Variants in FRMPD4 observed in about 807,000 individuals in gnomAD.
FRMPD4 encodes FERM and PDZ domain containing 4, also known as FERM and PDZ domain-containing protein 4.
A neutral mutation model predicts 94.1 loss-of-function variants in FRMPD4; 22 were observed. That is an observed-to-expected ratio of 0.23 (90% CI 0.17 to 0.33). FRMPD4 has a LOEUF of 0.33. Ranked by LOEUF, FRMPD4 falls within the 10% of genes least tolerant of loss-of-function variation. FRMPD4 has a pLI of 1.00. For synonymous variants in FRMPD4, 631 were observed against 548.6 expected (o/e 1.15, Z -2.10); for missense variants, 1,111 against 1,339.9 (o/e 0.83, Z 2.67).
chrX:12,719,392 A>T (rs1028092151), intron 16 of FRMPD4, among the ~76,000 whole-genome samples: 6 of 112,426 alleles, frequency 5.3e-5, no homozygotes, highest in Non-Finnish European at 9.4e-5. Context: ...ATAAAGTGTA[A>T]ACACACGTAG....
chrX:12,478,764 G>A lies in FRMPD4; in HGVS notation c.42-19916G>A, dbSNP rs892183606. On this transcript the variant is annotated intron_variant, in intron 1 of 16. Transcript: ENST00000675598. Reference sequence around the variant, plus strand: ...ATAGCTGGATGACTTTGAGCAAGTGGTCTAGAAGTTTTCTCATCTTTGAAA... The same window carrying A: ...ATAGCTGGATGACTTTGAGCAAGTGATCTAGAAGTTTTCTCATCTTTGAAA... Among the ~76,000 whole-genome samples, 5 of 112,273 alleles carry A rather than the reference G, an allele frequency of 4.5e-5. No individual in the cohort carries two copies. The Admixed American group carries it at 4.7e-4, about 11-fold the overall frequency.
intron 1 of FRMPD4, among the ~76,000 whole-genome samples, chrX:12,162,125 G>A (rs1438324021): frequency 2.7e-5 from 3 of 112,473 alleles, no homozygotes; most frequent in Admixed American, 9.4e-5. Context: ...AGTCTGCATC[G>A]TGGAAGTTAA....
intron 2 of FRMPD4, among the ~76,000 whole-genome samples, chrX:12,535,467 G>A (rs778090957): frequency 6.3e-5 from 7 of 111,946 alleles, no homozygotes; most frequent in East Asian, 5.6e-4. Flanking sequence ...CTTGACCCCC[G>A]AAGTCAGCAT....
rs902975385 is a variant in FRMPD4, at chrX:11,965,859, C to T, written c.95+87841C>T. On this transcript the variant is annotated intron_variant, in intron 3 of 18. Transcript: ENST00000640291. ...TGATTTGGTTGTCATTTAGAAGCAA[C>T]GACTTTATGTTCCACAGTCTCGTGA... 1.6e-4 allele frequency among the ~76,000 whole-genome samples: 18 copies of T among 112,173 alleles called. No individual in the cohort carries two copies. In the Admixed American group the frequency reaches 1.7e-3, roughly 11 times the overall value.
chrX:12,078,775 C>T (rs1046037170), intron 3 of FRMPD4, among the ~76,000 whole-genome samples: 1 of 111,430 alleles, frequency 9.0e-6, no homozygotes, highest in Admixed American at 9.5e-5. Context: ...TGTTTAGTAA[C>T]ACCCCTGGCC....
intron 1 of FRMPD4, among the ~76,000 whole-genome samples, chrX:12,254,723 A>C (rs1414353776): frequency 8.9e-6 from 1 of 112,096 alleles, no homozygotes; most frequent in African/African-American, 3.2e-5. Flanking sequence ...GCTTTTATTT[A>C]GCCAATCTGA....
chrX:12,480,409 T>C (rs1247504763), intron 1 of FRMPD4, among the ~76,000 whole-genome samples: 1 of 109,963 alleles, frequency 9.1e-6, no homozygotes, highest in Non-Finnish European at 1.9e-5. Context: ...AGGAGAGATT[T>C]TTCTATCCTA....
intron 2 of FRMPD4, among the ~76,000 whole-genome samples, chrX:12,513,411 G>A (rs1214929497): frequency 3.6e-5 from 4 of 111,626 alleles, no homozygotes; most frequent in Non-Finnish European, 7.5e-5. Context: ...TAAGGAAGGG[G>A]TCCAGTTTCA....
intron 1 of FRMPD4, among the ~76,000 whole-genome samples, chrX:12,313,734 C>A (rs745822551): frequency 9.0e-6 from 1 of 111,273 alleles, no homozygotes; most frequent in Non-Finnish European, 1.9e-5. Context: ...ATCTTAATAA[C>A]CAACTTCTTT....
intron 1 of FRMPD4, among the ~76,000 whole-genome samples, chrX:11,834,706 TTAA>T (rs771365175): frequency 4.2e-4 from 47 of 111,901 alleles, no homozygotes; most frequent in African/African-American, 1.4e-3. Context: ...TGAAACCTTC[TTAA>T]TAATAAGAAA....
At chrX:12,086,251 T>A (rs182159254) in intron 3 of FRMPD4, among the ~76,000 whole-genome samples, 21 of 111,979 alleles carry the variant, frequency 1.9e-4, no homozygotes, top group African/African-American at 6.8e-4. Flanking sequence ...CTTGTGGGTA[T>A]ACAAATTTCT....
chrX:11,994,547 A>T (rs948553233), intron 3 of FRMPD4, among the ~76,000 whole-genome samples: 1 of 111,200 alleles, frequency 9.0e-6, no homozygotes, highest in Non-Finnish European at 1.9e-5. Flanking sequence ...GAGTCGAAGA[A>T]GAGTATTTGA....
intron 13 of FRMPD4, among the ~76,000 whole-genome samples, chrX:12,710,168 A>G (rs958929780): frequency 9.0e-6 from 1 of 111,177 alleles, no homozygotes; most frequent in Non-Finnish European, 1.9e-5. Context: ...AGACATATAT[A>G]TATATGACTT....
Position 12,632,594 on chromosome X carries a change from A to C in FRMPD4, c.422+17713A>C, listed in dbSNP as rs190667461. Reference sequence around the variant, plus strand: ...GTTCCCCAATGGTGGGAATGTTCCAAAATGGCAGCTCATTTATGCTATTGT... The same window carrying C: ...GTTCCCCAATGGTGGGAATGTTCCACAATGGCAGCTCATTTATGCTATTGT... On this transcript the variant is annotated intron_variant, in intron 4 of 16. Coordinates refer to ENST00000675598, the MANE Select transcript of FRMPD4 (RefSeq NM_001368397.1). 1.4e-4 allele frequency among the ~76,000 whole-genome samples: 16 copies of C among 112,190 alleles called. No individual in the cohort carries two copies. The East Asian group carries it at 3.1e-3, about 22-fold the overall frequency.
chrX:12,479,437 C>CATATATAT (rs2057650377), intron 1 of FRMPD4, among the ~76,000 whole-genome samples: 4 of 24,656 alleles, frequency 1.6e-4, no homozygotes, highest in Admixed American at 4.9e-4. Context: ...TATATATACA[C>CATATATAT]ACATATATGT....
chrX:12,366,785 T>G (rs1256781147), intron 1 of FRMPD4, among the ~76,000 whole-genome samples: 1 of 112,057 alleles, frequency 8.9e-6, no homozygotes, highest in Non-Finnish European at 1.9e-5. Context: ...TGCATGGGGC[T>G]GTGGGGCATT....
intron 1 of FRMPD4, among the ~76,000 whole-genome samples, chrX:12,418,605 G>A (rs374430256): frequency 1.8e-5 from 2 of 109,324 alleles, no homozygotes; most frequent in South Asian, 3.9e-4. Flanking sequence ...TGATCCGTCC[G>A]CCTCAGCCTC....
intron 2 of FRMPD4, among the ~76,000 whole-genome samples, chrX:12,564,567 A>C (rs1166030143): frequency 5.4e-5 from 6 of 111,976 alleles, no homozygotes; most frequent in Non-Finnish European, 1.1e-4. Context: ...TCACAATTTA[A>C]TAGTTAATTT....
At chrX:11,892,890 T>C (rs1601825444) in intron 3 of FRMPD4, among the ~76,000 whole-genome samples, 1 of 112,372 alleles carries the variant, frequency 8.9e-6, no homozygotes, top group Admixed American at 9.4e-5. Context: ...CAGTGAGAGC[T>C]TTCTCGATAT....
Sources: allele counts gnomAD v4.1 joint callset (sites outside exome capture counted in the v4.1 genomes callset), GRCh38; gene constraint gnomAD v4.1.1; transcripts MANE v1.5; gene names NCBI Gene and HGNC (gene_info 2026-07-23, HGNC 2026-07-21).